Variants in DISC1 observed in about 807,000 individuals in gnomAD.
DISC1 encodes disrupted in schizophrenia 1 protein.
In DISC1, 57 loss-of-function variants were observed where a neutral mutation model predicts 84.5. The observed-to-expected ratio is 0.67, with a 90% CI of 0.55 to 0.84. The LOEUF is 0.84. Among genes scored for constraint, DISC1 ranks in the 40% least tolerant of loss-of-function variants. The pLI is 0.00. For synonymous variants in DISC1, 411 were observed against 415.2 expected (o/e 0.99, Z 0.12); for missense variants, 1,000 against 1,057.8 (o/e 0.95, Z 0.76).
At chr1:231,755,802 T>C (rs2075055210) in intron 4 of DISC1, among the ~76,000 whole-genome samples, 1 of 152,196 alleles carries the variant, frequency 6.6e-6, no homozygotes, top group South Asian at 2.1e-4. Context: ...GTGTCCACTG[T>C]CTGTCTCTCT....
At chr1:232,017,529 G>T (rs1668597989) in intron 11 of DISC1, among the ~76,000 whole-genome samples, 1 of 146,234 alleles carries the variant, frequency 6.8e-6, no homozygotes, top group Admixed American at 6.9e-5. Context: ...TTCACTGCAG[G>T]AATTAAATAT....
intron 9 of DISC1, among the ~76,000 whole-genome samples, chr1:231,908,415 C>G (rs1020460886): frequency 6.6e-6 from 1 of 152,142 alleles, no homozygotes; most frequent in African/African-American, 2.4e-5. Context: ...TTTTCCAGCA[C>G]CATTTATTAA....
chr1:231,922,975 C>T (rs1016336276), intron 9 of DISC1, among the ~76,000 whole-genome samples: 9 of 152,050 alleles, frequency 5.9e-5, no homozygotes, highest in Non-Finnish European at 1.2e-4. Context: ...CATACCTATA[C>T]TGATTCAAAA....
At chr1:231,749,246 G>A (rs1263556440) in intron 3 of DISC1, among the ~76,000 whole-genome samples, 2 of 152,170 alleles carry the variant, frequency 1.3e-5, no homozygotes, top group South Asian at 2.1e-4. Context: ...GGGTAGGGGG[G>A]CAGGCAGAAT....
At chr1:232,013,852 G>A (rs1668245267) in intron 11 of DISC1, among the ~76,000 whole-genome samples, 1 of 152,146 alleles carries the variant, frequency 6.6e-6, no homozygotes, top group African/African-American at 2.4e-5. Flanking sequence ...CTTTGAGGGA[G>A]AGGAGTCCTA....
intron 10 of DISC1, among the ~76,000 whole-genome samples, chr1:231,963,975 A>G (rs905602825): frequency 6.6e-6 from 1 of 152,210 alleles, no homozygotes. Flanking sequence ...TATAGATAAC[A>G]TAACCGATTA....
chr1:231,921,512 AT>A (rs2090008546), intron 9 of DISC1, among the ~76,000 whole-genome samples: 1 of 151,484 alleles, frequency 6.6e-6, no homozygotes, highest in African/African-American at 2.4e-5. Flanking sequence ...TATGATTATA[AT>A]TTTATGATAT....
chr1:231,875,264 G>A (rs1174976514), intron 9 of DISC1, among the ~76,000 whole-genome samples: 2 of 152,194 alleles, frequency 1.3e-5, no homozygotes, highest in Non-Finnish European at 2.9e-5. Context: ...AACCTGTGGG[G>A]ATGTGAGCCA....
At chr1:231,771,418 C>T (rs531701795) in intron 6 of DISC1, 68 of 985,320 alleles carry the variant, frequency 6.9e-5, no homozygotes, top group African/African-American at 2.6e-4. Context: ...TTGCTGAGGA[C>T]GATCATCTGG....
chr1:231,684,226 T>G (rs756630991), intron 1 of DISC1, among the ~76,000 whole-genome samples: 4 of 152,116 alleles, frequency 2.6e-5, no homozygotes, highest in Non-Finnish European at 4.4e-5. Flanking sequence ...ATTGCAGCCC[T>G]GAACTCCTGG....
chr1:231,641,943 G>A (rs1432967974), intron 1 of DISC1, among the ~76,000 whole-genome samples: 1 of 152,222 alleles, frequency 6.6e-6, no homozygotes, highest in Non-Finnish European at 1.5e-5. Flanking sequence ...CCCCTGCCGT[G>A]TGCCTGCACT....
intron 3 of DISC1, among the ~76,000 whole-genome samples, chr1:231,713,680 G>GATATATATATAT (rs1200959736): frequency 9.1e-5 from 11 of 120,808 alleles, no homozygotes; most frequent in African/African-American, 3.8e-4. Flanking sequence ...TCATGAAGCA[G>GATATATATATAT]ATATATATAT....
At chr1:231,947,019 C>T (rs1235214287) in intron 9 of DISC1, among the ~76,000 whole-genome samples, 1 of 152,100 alleles carries the variant, frequency 6.6e-6, no homozygotes, top group Non-Finnish European at 1.5e-5. Flanking sequence ...TCATCAAAGT[C>T]ACCATACTGC....
At chr1:231,763,958 T>G (rs2793086) in intron 4 of DISC1, among the ~76,000 whole-genome samples, 23,177 of 152,208 alleles carry the variant, frequency 0.15, 2,014 homozygotes, top group Non-Finnish European at 0.2. Context: ...CAACATATAT[T>G]AGGATCAGTT....
chr1:231,646,560 A>G (rs1025664383), intron 1 of DISC1, among the ~76,000 whole-genome samples: 16 of 152,286 alleles, frequency 1.1e-4, no homozygotes, highest in African/African-American at 3.1e-4. Flanking sequence ...TTTTGGGGCA[A>G]TTTAGATCGC....
At chr1:231,761,930 A>G (rs1014765430) in intron 4 of DISC1, among the ~76,000 whole-genome samples, 4 of 40,856 alleles carry the variant, frequency 9.8e-5, no homozygotes, top group Admixed American at 8.0e-4. Context: ...GTCAGGAACG[A>G]GTAACTGCAA....
At position 232,008,997 on chromosome 1, in the gene DISC1, GGAA is replaced by G. The variant is rs748736644; in HGVS notation, c.2258_2260del (p.Lys753del). 3.7e-6 allele frequency: 6 copies of G among 1,613,850 alleles called. No homozygotes were observed. The South Asian group carries it at 6.6e-5, about 18-fold the overall frequency. ...ACCCCTTTGAAGGTATTGGAAGAAT[GGAA>G]GACTCACCTCATCCCCTCTCTGCAC... On this transcript the variant is annotated inframe_deletion, in exon 11 of 13. Coordinates refer to ENST00000439617, the MANE Select transcript of DISC1 (RefSeq NM_018662.3).
rs1660040791 is a variant in DISC1 at position 231,959,151 on chromosome 1, A to C, written c.2042+263A>C. 5.3e-6 allele frequency: 6 copies of C among 1,138,842 alleles called. No homozygotes were observed. In the South Asian group the frequency reaches 9.8e-5, roughly 19 times the overall value. The allele number at this position is 1,138,842 out of a possible 1,614,324, so 70.5% of individuals were successfully genotyped here. ...AGTTTTCATGTTCCATAAGAGAAGA[A>C]TCTTCTTTACTATATTAAATTCAGA... On this transcript the variant is annotated intron_variant, in intron 10 of 12. Transcript: ENST00000439617.
intron 11 of DISC1, among the ~76,000 whole-genome samples, chr1:232,019,119 G>A (rs1297088535): frequency 6.6e-6 from 1 of 152,168 alleles, no homozygotes; most frequent in East Asian, 1.9e-4. Flanking sequence ...TCATCATCTG[G>A]TGAGGGAGAC....
Sources: gnomAD v4.1 joint callset for allele counts (sites outside exome capture counted in the v4.1 genomes callset) on GRCh38, gnomAD v4.1.1 for gene constraint, MANE v1.5 for transcripts, NCBI Gene and HGNC (gene_info 2026-07-23, HGNC 2026-07-21) for gene names.